ZRANB3: variants seen among roughly 807,000 people sequenced by gnomAD.
ZRANB3 encodes the protein DNA annealing helicase and endonuclease ZRANB3.
Under a neutral mutation model 133.8 loss-of-function variants are expected in ZRANB3, and 125 were observed. The ratio of observed to expected loss-of-function variants is 0.93; its 90% CI spans 0.81 to 1.08. The LOEUF is 1.08. Among genes scored for constraint, ZRANB3 ranks in the 50% least tolerant of loss-of-function variants. The pLI, the probability that ZRANB3 is intolerant of heterozygous loss-of-function variation, is 0.00. For missense variants in ZRANB3, 1,229 were observed against 1,275.5 expected (o/e 0.96, Z 0.56); for synonymous variants, 387 against 432.7 (o/e 0.89, Z 1.31).
At chr2:135,203,103 T>A in intron 19 of ZRANB3, 140 bp from the exon 20 acceptor site, 2 of 1,006,102 alleles carry the variant, frequency 2.0e-6, no homozygotes, top group South Asian at 3.5e-5. Flanking sequence ...ATAGCTTTTA[T>A]TGTGAGTAGA....
chr2:135,277,671 T>C (rs1222961118), intron 8 of ZRANB3, among the ~76,000 whole-genome samples: 1 of 152,142 alleles, frequency 6.6e-6, no homozygotes, highest in African/African-American at 2.4e-5. Context: ...ACGCCTGTAA[T>C]CCAAGCACTT....
At chr2:135,458,327 T>C (rs1690616684) in intron 2 of ZRANB3, among the ~76,000 whole-genome samples, 3 of 152,106 alleles carry the variant, frequency 2.0e-5, no homozygotes, top group South Asian at 4.1e-4. Context: ...TGAGACTTTC[T>C]CAAAATTGTT....
chr2:135,488,798 AAAAC>A (rs1322235495), intron 2 of ZRANB3, among the ~76,000 whole-genome samples: 3 of 150,454 alleles, frequency 2.0e-5, no homozygotes, highest in Admixed American at 6.6e-5. Context: ...AAATTATAAT[AAAAC>A]AAACTATGCT....
chr2:135,480,114 T>G (rs918112063), intron 2 of ZRANB3, among the ~76,000 whole-genome samples: 45 of 151,266 alleles, frequency 3.0e-4, no homozygotes, highest in Admixed American at 5.9e-4. Flanking sequence ...TTTTTTTTTT[T>G]TGTATTTTTA....
intron 19 of ZRANB3, among the ~76,000 whole-genome samples, chr2:135,205,570 G>A (rs1398346752): frequency 6.6e-6 from 1 of 152,064 alleles, no homozygotes; most frequent in Non-Finnish European, 1.5e-5. Flanking sequence ...TGCTCAGGCT[G>A]GTAACTCTTG....
intron 2 of ZRANB3, among the ~76,000 whole-genome samples, chr2:135,422,460 A>T (rs1688903186): frequency 2.9e-5 from 4 of 137,750 alleles, no homozygotes; most frequent in African/African-American, 2.8e-5. Context: ...AGAATGCCAT[A>T]TTCTTCTGGT....
At chr2:135,409,664 C>T (rs935884744) in intron 2 of ZRANB3, among the ~76,000 whole-genome samples, 60 of 152,034 alleles carry the variant, frequency 3.9e-4, no homozygotes, top group Admixed American at 1.2e-3. Flanking sequence ...AGAAAGCATC[C>T]GAAAAAGAGG....
intron 2 of ZRANB3, among the ~76,000 whole-genome samples, chr2:135,489,933 A>C (rs1308323811): frequency 6.6e-6 from 1 of 152,212 alleles, no homozygotes; most frequent in African/African-American, 2.4e-5. Context: ...ATTCAAGAGA[A>C]GTTTCCAGAA....
At chr2:135,498,754 G>A (rs1480822548) in intron 2 of ZRANB3, among the ~76,000 whole-genome samples, 4 of 152,088 alleles carry the variant, frequency 2.6e-5, no homozygotes, top group East Asian at 1.9e-4. Flanking sequence ...TAAAATGGCC[G>A]CTTTGGGAAC....
intron 2 of ZRANB3, among the ~76,000 whole-genome samples, chr2:135,430,903 T>A (rs910017916): frequency 6.6e-6 from 1 of 152,136 alleles, no homozygotes; most frequent in African/African-American, 2.4e-5. Flanking sequence ...TGATACCTCA[T>A]ACCATATACA....
chr2:135,216,085 C>A, intron 17 of ZRANB3, among the ~76,000 whole-genome samples: 1 of 148,790 alleles, frequency 6.7e-6, no homozygotes, highest in Non-Finnish European at 1.5e-5. Context: ...GTGTCTCCAT[C>A]CCTTTTTTTT....
At chr2:135,407,193 G>A (rs1369623486) in intron 2 of ZRANB3, among the ~76,000 whole-genome samples, 4 of 152,064 alleles carry the variant, frequency 2.6e-5, no homozygotes, top group Non-Finnish European at 5.9e-5. Flanking sequence ...CAAACAGAGA[G>A]CCAAATCATG....
intron 2 of ZRANB3, among the ~76,000 whole-genome samples, chr2:135,407,926 T>C (rs1332639354): frequency 5.7e-4 from 84 of 148,278 alleles, no homozygotes; most frequent in African/African-American, 2.0e-3. Flanking sequence ...AAGGACTTCA[T>C]GTCTAAAACA....
At chr2:135,237,682 A>T (rs1695354271) in intron 12 of ZRANB3, among the ~76,000 whole-genome samples, 1 of 152,038 alleles carries the variant, frequency 6.6e-6, no homozygotes, top group African/African-American at 2.4e-5. Flanking sequence ...TCAGCAAACT[A>T]TCGCAAGGAC....
At chr2:135,480,271 G>A (rs142112982) in intron 2 of ZRANB3, among the ~76,000 whole-genome samples, 1 of 152,064 alleles carries the variant, frequency 6.6e-6, no homozygotes, top group Non-Finnish European at 1.5e-5. Flanking sequence ...CCCTTACCCT[G>A]TTAGGCTGAG....
At chr2:135,482,648 A>C (rs1406841252) in intron 2 of ZRANB3, among the ~76,000 whole-genome samples, 2 of 152,154 alleles carry the variant, frequency 1.3e-5, no homozygotes, top group African/African-American at 4.8e-5. Flanking sequence ...AACTTCCAAC[A>C]CTATGTTGAA....
chr2:135,416,894 C>G (rs900002675), intron 2 of ZRANB3, among the ~76,000 whole-genome samples: 4 of 152,138 alleles, frequency 2.6e-5, no homozygotes, highest in African/African-American at 9.7e-5. Flanking sequence ...GCTGGGAAAA[C>G]TGGCTAGCCA....
At chr2:135,489,298 G>A (rs866512087) in intron 2 of ZRANB3, among the ~76,000 whole-genome samples, 1 of 124,994 alleles carries the variant, frequency 8.0e-6, no homozygotes, top group African/African-American at 3.0e-5. Context: ...CATCACACTC[G>A]GGACTGTTGT....
intron 2 of ZRANB3, among the ~76,000 whole-genome samples, chr2:135,433,156 G>C (rs190671186): frequency 3.9e-5 from 6 of 152,194 alleles, no homozygotes; most frequent in Admixed American, 6.5e-5. Context: ...CCCTAAGATA[G>C]AAGATCTTGA....
Sources: allele counts gnomAD v4.1 joint callset (sites outside exome capture counted in the v4.1 genomes callset), GRCh38; gene constraint gnomAD v4.1.1; transcripts MANE v1.5; gene names NCBI Gene and HGNC (gene_info 2026-07-23, HGNC 2026-07-21).